AMPD3: variants seen among roughly 807,000 people sequenced by gnomAD.
The protein encoded by AMPD3 is adenosine monophosphate deaminase 3, also known as AMP deaminase 3.
AMPD3 carries 57 observed loss-of-function variants against 82.3 expected under a neutral mutation model. That is an observed-to-expected ratio of 0.69 (90% CI 0.56 to 0.86). The LOEUF (loss-of-function observed/expected upper bound fraction) is 0.86. Among genes scored for constraint, AMPD3 ranks in the 40% least tolerant of loss-of-function variants. The pLI, the probability that AMPD3 is intolerant of heterozygous loss-of-function variation, is 0.00. For missense variants in AMPD3, 870 were observed against 1,003.8 expected, an observed-to-expected ratio of 0.87 and a Z score of 1.80; for synonymous variants, 381 against 394.7, an observed-to-expected ratio of 0.97 and a Z score of 0.41.
At chr11:10,486,922 C>T in intron 5 of AMPD3, 1 of 985,410 alleles carries the variant, frequency 1.0e-6, no homozygotes, top group Non-Finnish European at 1.2e-6. Context: ...GTGTTACCAC[C>T]TGATATTTAC....
intron 7 of AMPD3, chr11:10,494,482 C>T (rs544277230): frequency 4.1e-4 from 345 of 840,712 alleles, no homozygotes; most frequent in Non-Finnish European, 4.9e-4. Context: ...AAATGGTAAA[C>T]GTTGTGTTGT....
At chr11:10,452,678 C>T (rs1188731269), upstream of AMPD3, among the ~76,000 whole-genome samples, 6 of 152,170 alleles carry the variant, frequency 3.9e-5, no homozygotes, top group Non-Finnish European at 5.9e-5. Context: ...TGTTCATTTT[C>T]CTAGTTCTTC....
intron 11 of AMPD3, chr11:10,501,089 C>T (rs1480140224): frequency 1.0e-6 from 1 of 985,282 alleles, no homozygotes; most frequent in Non-Finnish European, 1.2e-6. Flanking sequence ...AGACTTCACT[C>T]TCCGGGCCTT....
At chr11:10,501,829 C>G in intron 12 of AMPD3, 1 of 982,542 alleles carries the variant, frequency 1.0e-6, no homozygotes, top group Non-Finnish European at 1.2e-6. Flanking sequence ...ATAGAAATAG[C>G]CATTATTAGC....
intron 2 of AMPD3, chr11:10,477,919 G>A (rs1001465912): frequency 4.1e-6 from 4 of 985,442 alleles, no homozygotes; most frequent in Non-Finnish European, 4.8e-6. Flanking sequence ...CTGTAAGCTT[G>A]GATGGCGGTC....
chr11:10,504,507 A>G (rs776027946), intron 13 of AMPD3, 42 bp from the exon 14 acceptor site: 3 of 1,572,454 alleles, frequency 1.9e-6, no homozygotes, highest in Non-Finnish European at 8.8e-7. Context: ...ATTGACATGG[A>G]TATCCCCCCT....
At chr11:10,468,966 C>T (rs986364227) in intron 2 of AMPD3, among the ~76,000 whole-genome samples, 2 of 152,174 alleles carry the variant, frequency 1.3e-5, no homozygotes, top group Non-Finnish European at 2.9e-5. Flanking sequence ...CACAACGTAC[C>T]AGAATCTCTG....
chr11:10,469,042 A>G (rs1190093070), intron 2 of AMPD3, among the ~76,000 whole-genome samples: 3 of 152,254 alleles, frequency 2.0e-5, no homozygotes, highest in Non-Finnish European at 4.4e-5. Context: ...AGAAAGCAGG[A>G]AAGATCTAAA....
intron 1 of AMPD3, among the ~76,000 whole-genome samples, chr11:10,455,754 G>A (rs1271630286): frequency 6.6e-6 from 1 of 152,184 alleles, no homozygotes; most frequent in African/African-American, 2.4e-5. Flanking sequence ...AGGGGATGGA[G>A]GGGATTGTAT....
At chr11:10,455,083 T>C (rs1479165701), upstream of AMPD3, 3 of 941,424 alleles carry the variant, frequency 3.2e-6, no homozygotes, top group African/African-American at 5.3e-5. Context: ...CGGAGGTGAC[T>C]CAGGCCCAAG....
At chr11:10,496,320 T>C in intron 9 of AMPD3, 1 of 985,432 alleles carries the variant, frequency 1.0e-6, no homozygotes, top group Non-Finnish European at 1.2e-6. Flanking sequence ...ATTGTCCTTT[T>C]GGTGAGCCCC....
upstream of AMPD3, chr11:10,455,142 A>G (rs899013): frequency 0.6 from 587,343 of 984,754 alleles, 175,912 homozygotes; most frequent in East Asian, 0.77. Flanking sequence ...ATCCTTCCTG[A>G]GCTCTTCTCC....
At chr11:10,501,848 A>G in intron 12 of AMPD3, 1 of 982,190 alleles carries the variant, frequency 1.0e-6, no homozygotes, top group Non-Finnish European at 1.2e-6. Flanking sequence ...GCTTTTTAGT[A>G]TATCTAATTT....
chr11:10,493,213 G>C, intron 6 of AMPD3, 136 bp from the exon 7 acceptor site: 1 of 978,350 alleles, frequency 1.0e-6, no homozygotes. Context: ...ATGGGGGGTG[G>C]GATCCAGACA....
chr11:10,462,749 G>GA (rs1028839736), intron 2 of AMPD3, among the ~76,000 whole-genome samples: 1 of 152,126 alleles, frequency 6.6e-6, no homozygotes, highest in African/African-American at 2.4e-5. Flanking sequence ...GAAAGAGAGA[G>GA]AAAAAATCCT....
At chr11:10,494,679 G>A in intron 7 of AMPD3, 1 of 985,406 alleles carries the variant, frequency 1.0e-6, no homozygotes, top group Non-Finnish European at 1.2e-6. Context: ...TGGGGCCTCT[G>A]CTGTTCCTTC....
At chr11:10,455,713 G>A (rs1212274150) in intron 1 of AMPD3, among the ~76,000 whole-genome samples, 2 of 152,180 alleles carry the variant, frequency 1.3e-5, no homozygotes, top group Admixed American at 1.3e-4. Flanking sequence ...AAAGGTGGAA[G>A]CAGTTCATGG....
chr11:10,470,779 G>A (rs1385538801), intron 2 of AMPD3, among the ~76,000 whole-genome samples: 1 of 152,120 alleles, frequency 6.6e-6, no homozygotes, highest in Non-Finnish European at 1.5e-5. Flanking sequence ...TCTTCAAGGA[G>A]AATTACAAAC....
rs748797057 is a variant in AMPD3 at position 10,456,355 on chromosome 11, G to T, written c.-6+907G>T. 2 of 1,613,612 alleles carry T rather than the reference G, an allele frequency of 1.2e-6. No individual in the cohort carries two copies. The highest frequency in any genetic ancestry group is 1.7e-6 in the Non-Finnish European group (2 of 1,179,598). ...GTGGCAGGCAGCACCTCACCCGGGT[G>T]CATCACTTGAGTGGCATCTTCAGGA... is the stretch of plus-strand genomic sequence containing the variant. On this transcript the variant is annotated intron_variant, in intron 1 of 14. Coordinates refer to ENST00000396553, the MANE Select transcript of AMPD3 (RefSeq NM_001025389.2). This position sits in a 1 kb window ranked among gnomAD's most constrained non-coding sequence, Gnocchi z 4.3.
Sources: gnomAD v4.1 joint callset for allele counts (sites outside exome capture counted in the v4.1 genomes callset) on GRCh38, gnomAD v4.1.1 for gene constraint, Gnocchi (gnomAD v3.1) non-coding constraint, MANE v1.5 for transcripts, NCBI Gene and HGNC (gene_info 2026-07-23, HGNC 2026-07-21) for gene names.